Variants in MBD5 observed in about 807,000 individuals in gnomAD.
The protein encoded by MBD5 is methyl-CpG-binding domain protein 5.
Under a neutral mutation model 117.3 loss-of-function variants are expected in MBD5, and 13 were observed. The ratio of observed to expected loss-of-function variants is 0.11; its 90% CI spans 0.07 to 0.18. MBD5 has a LOEUF of 0.18. MBD5 is among the 10% of genes least tolerant of loss of function. The pLI, the probability that MBD5 is intolerant of heterozygous loss-of-function variation, is 1.00. For missense variants in MBD5, 1,879 were observed against 2,093.8 expected, an observed-to-expected ratio of 0.90 and a Z score of 2.00; for synonymous variants, 727 against 766.4, an observed-to-expected ratio of 0.95 and a Z score of 0.85.
chr2:148,481,800 T>G (rs1681162803), intron 8 of MBD5: 1 of 152,070 alleles, frequency 6.6e-6, no homozygotes. Flanking sequence ...CAGGTATTGG[T>G]TTGTTTTTGT....
intron 2 of MBD5, among the ~76,000 whole-genome samples, chr2:148,194,760 TAAGA>T (rs1399716999): frequency 3.8e-3 from 96 of 25,034 alleles, no homozygotes; most frequent in Admixed American, 6.7e-3. Context: ...TAGAGTATAA[TAAGA>T]AAAAAAAAAA....
chr2:148,110,636 C>G (rs1696484598), intron 1 of MBD5, among the ~76,000 whole-genome samples: 1 of 151,364 alleles, frequency 6.6e-6, no homozygotes, highest in Non-Finnish European at 1.5e-5. Context: ...GGGAATTGTT[C>G]CTGTTTGTTT....
chr2:148,420,311 C>G (rs1705561314), intron 4 of MBD5, among the ~76,000 whole-genome samples: 1 of 152,130 alleles, frequency 6.6e-6, no homozygotes, highest in Non-Finnish European at 1.5e-5. Context: ...GGCTTAGAGT[C>G]TATGTTCCAT....
At chr2:148,129,056 G>A (rs1371065853) in intron 1 of MBD5, among the ~76,000 whole-genome samples, 1 of 151,998 alleles carries the variant, frequency 6.6e-6, no homozygotes, top group Non-Finnish European at 1.5e-5. Context: ...TTTTTTATAA[G>A]GACCTTTAAA....
At chr2:148,293,792 CTTCT>C (rs1415328042) in intron 3 of MBD5, among the ~76,000 whole-genome samples, 3 of 152,152 alleles carry the variant, frequency 2.0e-5, no homozygotes, top group African/African-American at 7.2e-5. Context: ...AGGAAGTGCC[CTTCT>C]ACTTCTTGTT....
intron 4 of MBD5, among the ~76,000 whole-genome samples, chr2:148,424,168 ACT>A (rs1320370769): frequency 1.8e-5 from 2 of 113,528 alleles, no homozygotes; most frequent in Non-Finnish European, 3.5e-5. Context: ...ACAGAGCAAG[ACT>A]CTGTCTCAAA....
intron 1 of MBD5, among the ~76,000 whole-genome samples, chr2:148,098,410 G>A (rs1283746401): frequency 6.6e-6 from 1 of 152,174 alleles, no homozygotes; most frequent in Admixed American, 6.5e-5. Context: ...ATATCCAAAT[G>A]AGACAAGAGA....
chr2:148,361,130 A>T (rs1336590179), intron 4 of MBD5, among the ~76,000 whole-genome samples: 1 of 152,128 alleles, frequency 6.6e-6, no homozygotes, highest in African/African-American at 2.4e-5. Context: ...GCCGGATCAC[A>T]AGGTCAGGGG....
intron 1 of MBD5, among the ~76,000 whole-genome samples, chr2:148,138,146 A>G (rs116348890): frequency 6.6e-6 from 1 of 152,364 alleles, no homozygotes; most frequent in Non-Finnish European, 1.5e-5. Context: ...AGCAATAGCT[A>G]TCTTTACTGA....
chr2:148,335,064 A>G (rs570316678), intron 3 of MBD5, among the ~76,000 whole-genome samples: 2 of 152,318 alleles, frequency 1.3e-5, no homozygotes, highest in African/African-American at 4.8e-5. Flanking sequence ...GTTAGGACAT[A>G]TGATAAGATG....
At chr2:148,411,714 A>G (rs1705255017) in intron 4 of MBD5, among the ~76,000 whole-genome samples, 1 of 151,292 alleles carries the variant, frequency 6.6e-6, no homozygotes, top group Admixed American at 6.6e-5. Flanking sequence ...TTTCTTGTTC[A>G]TTTAAGTTCC....
chr2:148,113,691 AT>A (rs1043899140), intron 1 of MBD5, among the ~76,000 whole-genome samples: 29 of 151,992 alleles, frequency 1.9e-4, no homozygotes, highest in Non-Finnish European at 2.9e-4. Context: ...TTTCAACTCC[AT>A]TTTTTTTCCT....
intron 1 of MBD5, among the ~76,000 whole-genome samples, chr2:148,073,466 C>G (rs1287512606): frequency 6.6e-6 from 1 of 152,116 alleles, no homozygotes; most frequent in Non-Finnish European, 1.5e-5. Flanking sequence ...CTTCCTTGCT[C>G]TTACATTTAA....
At chr2:148,412,822 A>G (rs977967779) in intron 4 of MBD5, among the ~76,000 whole-genome samples, 2 of 151,884 alleles carry the variant, frequency 1.3e-5, no homozygotes, top group South Asian at 2.1e-4. Flanking sequence ...AAACTTTGCT[A>G]AAGTTTTTTT....
chr2:148,249,506 C>A (rs573137312), intron 3 of MBD5, among the ~76,000 whole-genome samples: 1 of 152,214 alleles, frequency 6.6e-6, no homozygotes, highest in East Asian at 1.9e-4. Flanking sequence ...TTCTCTACCC[C>A]CACACAATTT....
At chr2:148,429,056 G>A (rs1705900351) in intron 4 of MBD5, among the ~76,000 whole-genome samples, 1 of 152,004 alleles carries the variant, frequency 6.6e-6, no homozygotes, top group Non-Finnish European at 1.5e-5. Flanking sequence ...GAGTGAACAG[G>A]CCACCTACAG....
intron 4 of MBD5, among the ~76,000 whole-genome samples, chr2:148,453,990 A>G (rs973782060): frequency 5.3e-5 from 8 of 152,144 alleles, no homozygotes; most frequent in Non-Finnish European, 1.0e-4. Flanking sequence ...CAAGATGGGC[A>G]TAGATTTATG....
chr2:148,379,273 A>C (rs1034584190), intron 4 of MBD5, among the ~76,000 whole-genome samples: 2 of 152,134 alleles, frequency 1.3e-5, no homozygotes, highest in Non-Finnish European at 2.9e-5. Context: ...GGGGGAAAAA[A>C]CACAGATAAC....
chr2:148,398,933 T>C (rs922009161), intron 4 of MBD5, among the ~76,000 whole-genome samples: 5 of 152,344 alleles, frequency 3.3e-5, no homozygotes, highest in African/African-American at 1.2e-4. Flanking sequence ...TGCTTGTTTT[T>C]CTCAGGTTTG....
Sources: gnomAD v4.1 joint callset for allele counts (sites outside exome capture counted in the v4.1 genomes callset) on GRCh38, gnomAD v4.1.1 for gene constraint, MANE v1.5 for transcripts, NCBI Gene and HGNC (gene_info 2026-07-23, HGNC 2026-07-21) for gene names.